Variants in GMDS observed in about 807,000 individuals in gnomAD.
GMDS encodes the protein GDP-mannose 4,6-dehydratase, also known as GDP-mannose 4,6 dehydratase.
Under a neutral mutation model 49.9 loss-of-function variants are expected in GMDS, and 20 were observed. The ratio of observed to expected loss-of-function variants is 0.40; its 90% CI spans 0.28 to 0.58. The LOEUF (loss-of-function observed/expected upper bound fraction) is 0.58, where lower values mean the gene tolerates loss of function less well. Ranked by LOEUF, GMDS falls within the 20% of genes least tolerant of loss-of-function variation. The pLI is 0.42. For missense variants in GMDS, 362 were observed against 481.4 expected, an observed-to-expected ratio of 0.75 and a Z score of 2.32; for synonymous variants, 177 against 178.6, an observed-to-expected ratio of 0.99 and a Z score of 0.07.
intron 7 of GMDS, among the ~76,000 whole-genome samples, chr6:1,787,435 A>G (rs1470672767): frequency 6.6e-6 from 1 of 152,210 alleles, no homozygotes; most frequent in Non-Finnish European, 1.5e-5. Context: ...GAGAGGCCCC[A>G]TTCACTATCG....
Position 1,722,718 on chromosome 6 carries a change from C to G in GMDS, c.987+3698G>C, listed in dbSNP as rs140198708. On this transcript the variant is annotated intron_variant, in intron 9 of 10. Transcript: ENST00000380815. Reference sequence around the variant, plus strand: ...GCTAGTAATCAATAGGTTTCAAACTCAGGCAGTTTGGCCAACAGGCCCACA... The same window carrying G: ...GCTAGTAATCAATAGGTTTCAAACTGAGGCAGTTTGGCCAACAGGCCCACA... Among the ~76,000 whole-genome samples the G allele has an allele frequency of 6.2e-3, 938 of 152,318 alleles. 11 individuals are homozygous for G. Among genetic ancestry groups the G allele is most frequent in the African/African-American group, 0.022 (895 of 41,570 alleles).
At chr6:1,787,444 C>T (rs541988165) in intron 7 of GMDS, among the ~76,000 whole-genome samples, 3 of 152,148 alleles carry the variant, frequency 2.0e-5, no homozygotes, top group African/African-American at 7.2e-5. Flanking sequence ...CATTCACTAT[C>T]GGTGTTCAGG....
At chr6:2,157,126 C>T (rs1466617922) in intron 1 of GMDS, among the ~76,000 whole-genome samples, 3 of 152,218 alleles carry the variant, frequency 2.0e-5, no homozygotes, top group Non-Finnish European at 4.4e-5. Flanking sequence ...AGATCGTCTT[C>T]ATAGACTTAT....
At chr6:1,782,589 G>C (rs778114196) in intron 7 of GMDS, among the ~76,000 whole-genome samples, 1 of 152,194 alleles carries the variant, frequency 6.6e-6, no homozygotes, top group Non-Finnish European at 1.5e-5. Flanking sequence ...TTTATAAAGA[G>C]ACTTTGGATA....
intron 7 of GMDS, among the ~76,000 whole-genome samples, chr6:1,760,282 A>G (rs1768108108): frequency 6.6e-6 from 1 of 152,236 alleles, no homozygotes; most frequent in African/African-American, 2.4e-5. Context: ...GATAAAGAGC[A>G]AATAGGACTT....
chr6:1,803,573 C>CAAATAAAT (rs559782204), intron 7 of GMDS, among the ~76,000 whole-genome samples: 4 of 151,346 alleles, frequency 2.6e-5, no homozygotes, highest in Non-Finnish European at 5.9e-5. Flanking sequence ...TTCCCGTCCC[C>CAAATAAAT]AAATAAATAA....
At chr6:2,100,667 C>A (rs563070122) in intron 4 of GMDS, among the ~76,000 whole-genome samples, 4 of 152,084 alleles carry the variant, frequency 2.6e-5, no homozygotes, top group Non-Finnish European at 2.9e-5. Context: ...ATCTATATCA[C>A]TGACGAGTCA....
At chr6:1,881,567 A>T (rs1759364843) in intron 7 of GMDS, among the ~76,000 whole-genome samples, 1 of 152,244 alleles carries the variant, frequency 6.6e-6, no homozygotes, top group African/African-American at 2.4e-5. Flanking sequence ...TGAAGAAATA[A>T]TGTGTTCTAT....
At chr6:1,785,836 G>A (rs999640218) in intron 7 of GMDS, among the ~76,000 whole-genome samples, 3 of 152,222 alleles carry the variant, frequency 2.0e-5, no homozygotes, top group African/African-American at 7.2e-5. Context: ...AGCTTCAGCA[G>A]TGCTCATTTT....
intron 4 of GMDS, among the ~76,000 whole-genome samples, chr6:2,044,381 G>A (rs541320602): frequency 1.2e-4 from 18 of 152,184 alleles, no homozygotes; most frequent in Admixed American, 1.3e-4. Context: ...CTATGCAGCC[G>A]TAAAAAAGAA....
intron 7 of GMDS, among the ~76,000 whole-genome samples, chr6:1,874,954 C>T (rs184438680): frequency 9.1e-4 from 139 of 152,308 alleles, no homozygotes; most frequent in African/African-American, 3.3e-3. Flanking sequence ...TGTTATTTTA[C>T]AAATGTATGC....
At chr6:1,931,686 T>C (rs1270607001) in intron 6 of GMDS, among the ~76,000 whole-genome samples, 1 of 152,220 alleles carries the variant, frequency 6.6e-6, no homozygotes, top group African/African-American at 2.4e-5. Context: ...TTATCATTAT[T>C]TCAATGTCAG....
chr6:2,192,070 A>ACT (rs1472210349), intron 1 of GMDS, among the ~76,000 whole-genome samples: 3 of 152,008 alleles, frequency 2.0e-5, no homozygotes, highest in Non-Finnish European at 4.4e-5. Flanking sequence ...GAGAGGAGCT[A>ACT]CTCTCTCTGC....
At chr6:1,655,538 C>T (rs1002843957) in intron 9 of GMDS, among the ~76,000 whole-genome samples, 3 of 147,158 alleles carry the variant, frequency 2.0e-5, no homozygotes, top group African/African-American at 5.0e-5. Flanking sequence ...TTTTTTGAGA[C>T]GGAGTCTCGC....
intron 7 of GMDS, among the ~76,000 whole-genome samples, chr6:1,878,898 A>G (rs555494636): frequency 1.3e-5 from 2 of 152,190 alleles, no homozygotes; most frequent in Non-Finnish European, 2.9e-5. Context: ...TTCTAAATAT[A>G]CCTGGGCCCT....
chr6:2,182,282 A>C (rs1337300214), intron 1 of GMDS, among the ~76,000 whole-genome samples: 1 of 152,250 alleles, frequency 6.6e-6, no homozygotes, highest in Non-Finnish European at 1.5e-5. Context: ...TGAAAAAACT[A>C]TCTCCATAAC....
At chr6:2,225,496 G>A (rs1299073454) in intron 1 of GMDS, among the ~76,000 whole-genome samples, 1 of 152,148 alleles carries the variant, frequency 6.6e-6, no homozygotes, top group East Asian at 1.9e-4. Flanking sequence ...ACCTTCTCCT[G>A]CTCCTATGCC....
At chr6:1,732,770 G>C (rs1053735460) in intron 8 of GMDS, among the ~76,000 whole-genome samples, 1 of 152,122 alleles carries the variant, frequency 6.6e-6, no homozygotes, top group Non-Finnish European at 1.5e-5. Flanking sequence ...CCAGGGAAAT[G>C]GGCAGGGAGG....
intron 4 of GMDS, among the ~76,000 whole-genome samples, chr6:2,045,963 A>C (rs1378723167): frequency 1.3e-5 from 2 of 152,096 alleles, no homozygotes; most frequent in Non-Finnish European, 2.9e-5. Flanking sequence ...GTAATCCCAG[A>C]ATTTTGGGAG....
Sources: gnomAD v4.1 joint callset for allele counts (sites outside exome capture counted in the v4.1 genomes callset) on GRCh38, gnomAD v4.1.1 for gene constraint, MANE v1.5 for transcripts, NCBI Gene and HGNC (gene_info 2026-07-23, HGNC 2026-07-21) for gene names.